Variants in MIA2 observed in about 807,000 individuals in gnomAD.
The protein encoded by MIA2 is MIA SH3 domain ER export factor 2.
Under a neutral mutation model 167.8 loss-of-function variants are expected in MIA2, and 127 were observed. The observed-to-expected ratio is 0.76, with a 90% confidence interval of 0.66 to 0.88. The LOEUF is 0.88. Ranked by LOEUF, MIA2 falls within the 40% of genes least tolerant of loss-of-function variation. MIA2 has a pLI of 0.00. For missense variants in MIA2, 1,690 were observed against 1,624.7 expected (o/e 1.04, Z -0.69); for synonymous variants, 552 against 541.9 (o/e 1.02, Z -0.26).
At chr14:39,299,426 A>G (rs145831397) in intron 13 of MIA2, among the ~76,000 whole-genome samples, 4,701 of 148,302 alleles carry the variant, frequency 0.032, 260 homozygotes, top group African/African-American at 0.11. Context: ...TCCTGCCTCA[A>G]CTTCCTGAGT....
chr14:39,237,900 C>T (rs150872257), intron 2 of MIA2, among the ~76,000 whole-genome samples: 21 of 151,418 alleles, frequency 1.4e-4, no homozygotes, highest in South Asian at 4.2e-4. Flanking sequence ...CCACCATGCC[C>T]GGCTGCTTTT....
intron 23 of MIA2, among the ~76,000 whole-genome samples, chr14:39,361,807 A>G (rs890422188): frequency 2.6e-5 from 4 of 152,126 alleles, no homozygotes; most frequent in Admixed American, 6.5e-5. Flanking sequence ...AAGGTTTACA[A>G]TTTCATTTTG....
rs748484013 is a variant in MIA2 at position 39,345,925 on chromosome 14, C to G, written c.3677C>G (p.Ala1226Gly). 1.2e-6 allele frequency: 2 copies of G among 1,610,898 alleles called. No individual in the cohort carries two copies. Among genetic ancestry groups the G allele is most frequent in the South Asian group, 1.1e-5 (1 of 90,882 alleles). Residue 1226 changes from alanine to glycine, a missense_variant, in exon 26 of 29, where the codon GCC becomes GGC. Coordinates refer to ENST00000640607, the MANE Select transcript of MIA2 (RefSeq NM_001329214.4). The stretch of plus-strand genomic sequence containing the variant: ...CTAGGACAATCATATCCTGATTCAG[C>G]CCTTCCTCCACAAAGGCAAGACAGA... The part of the protein sequence containing the change: ...PPPGQSYPDS[A>G]LPPQRQDRFC...
At position 39,350,520 on chromosome 14, in the gene MIA2, A is replaced by C. The variant is rs1052503441; in HGVS notation, c.*256A>C. The C allele has an allele frequency of 9.0e-6, 3 of 334,086 alleles. No individual in the cohort carries two copies. The highest frequency in any genetic ancestry group is 4.8e-5 in the Admixed American group (1 of 20,884). The allele number at this position is 334,086 out of a possible 1,614,324, so 20.7% of individuals were successfully genotyped here. A position where few individuals can be genotyped will look rare whatever the true frequency, so the allele number is the denominator to read the frequency against. On this transcript the variant is annotated 3_prime_UTR_variant, in exon 29 of 29. Transcript: ENST00000640607. ...ATAAACAATAGTGGGAGTTTTATAT[A>C]TGTAATCTTTCAGGTGGGGAGGCTT...
chr14:39,271,315 CTG>C (rs1316957608), intron 6 of MIA2, among the ~76,000 whole-genome samples: 1 of 152,118 alleles, frequency 6.6e-6, no homozygotes, highest in Non-Finnish European at 1.5e-5. Flanking sequence ...TTTCATTGGT[CTG>C]TGTCTGTCCC....
intron 9 of MIA2, among the ~76,000 whole-genome samples, chr14:39,286,375 A>C (rs1226769161): frequency 1.3e-5 from 2 of 151,922 alleles, no homozygotes; most frequent in Non-Finnish European, 2.9e-5. Flanking sequence ...GGGAGGTTGC[A>C]GTGAGCGGAG....
chr14:39,300,376 T>C (rs1292558733), intron 14 of MIA2, among the ~76,000 whole-genome samples: 3 of 152,168 alleles, frequency 2.0e-5, no homozygotes, highest in Non-Finnish European at 4.4e-5. Flanking sequence ...GTATGTACTT[T>C]GATGGAGAGG....
At chr14:39,369,870 T>C (rs2074899912) in intron 23 of MIA2, among the ~76,000 whole-genome samples, 1 of 152,206 alleles carries the variant, frequency 6.6e-6, no homozygotes, top group Admixed American at 6.5e-5. Flanking sequence ...GCAGTTGTTT[T>C]AAAAAACAAC....
chr14:39,361,457 A>G (rs1314403489), intron 23 of MIA2, among the ~76,000 whole-genome samples: 4 of 137,950 alleles, frequency 2.9e-5, no homozygotes, highest in Admixed American at 7.4e-5. Context: ...TTTTTTCCTG[A>G]GACAGAGTTT....
At chr14:39,285,314 C>A (rs1309175638) in intron 9 of MIA2, among the ~76,000 whole-genome samples, 6 of 151,966 alleles carry the variant, frequency 3.9e-5, no homozygotes, top group African/African-American at 1.4e-4. Flanking sequence ...TCCTCACTTC[C>A]CAGAAGGGGC....
At chr14:39,253,326 G>A (rs968060352) in intron 6 of MIA2, 155 bp downstream of exon 6, 1 of 993,962 alleles carries the variant, frequency 1.0e-6, no homozygotes, top group Non-Finnish European at 1.5e-6. Flanking sequence ...CTCTTTATAT[G>A]AATGTTTTGT....
rs771046435 is a variant in MIA2 at position 39,247,671 on chromosome 14, T to A, written c.1097T>A (p.Ile366Asn). Residue 366 changes from isoleucine (I) to asparagine (N), a missense_variant, in exon 4 of 29, where the codon ATC (isoleucine) becomes AAC (asparagine). By Grantham distance (149) the Ile-to-Asn change is moderately radical (BLOSUM62 -3). Coordinates refer to ENST00000640607, the MANE Select transcript of MIA2 (RefSeq NM_001329214.4). The part of the protein sequence containing the change: ...TEILTEKKDT[I>N]TNDSLSLKPS... ...ATATTAACAGAAAAAAAAGACACAA[T>A]CACTAATGATAGCTTGAGTCTCAAG... The A allele has an allele frequency of 6.2e-7, 1 of 1,611,020 alleles. No individual in the cohort carries two copies. Among genetic ancestry groups the A allele is most frequent in the Non-Finnish European group, 8.5e-7 (1 of 1,179,252 alleles).
intron 6 of MIA2, among the ~76,000 whole-genome samples, chr14:39,261,740 GTGA>G (rs1213430628): frequency 1.3e-5 from 2 of 152,168 alleles, no homozygotes; most frequent in Admixed American, 6.6e-5. Flanking sequence ...CTGATGGCCA[GTGA>G]TGATGAGCAT....
chr14:39,318,133 A>G (rs1045192677), intron 22 of MIA2, 122 bp downstream of exon 22: 29 of 674,570 alleles, frequency 4.3e-5, no homozygotes, highest in Non-Finnish European at 5.6e-5. Flanking sequence ...TGAGATATCT[A>G]TTAGTTTTAC....
At chr14:39,266,401 C>G in intron 6 of MIA2, 11 of 985,426 alleles carry the variant, frequency 1.1e-5, no homozygotes, top group Non-Finnish European at 1.3e-5. Flanking sequence ...TTTAGCTCCT[C>G]TTCTCGGAGG....
intron 25 of MIA2, among the ~76,000 whole-genome samples, chr14:39,344,925 A>G (rs2072889085): frequency 6.6e-6 from 1 of 152,152 alleles, no homozygotes; most frequent in Non-Finnish European, 1.5e-5. Context: ...GTCATCATAA[A>G]TCACCCCTGG....
chr14:39,377,221 A>G (rs1204968748), intron 23 of MIA2, among the ~76,000 whole-genome samples: 3 of 151,444 alleles, frequency 2.0e-5, no homozygotes, highest in Non-Finnish European at 4.4e-5. Flanking sequence ...TACAAAGAGA[A>G]CATAGGGGGA....
chr14:39,336,479 ACT>A (rs2070440933), intron 25 of MIA2, among the ~76,000 whole-genome samples: 1 of 152,016 alleles, frequency 6.6e-6, no homozygotes, highest in African/African-American at 2.4e-5. Flanking sequence ...TTCTTTTAAA[ACT>A]CTGTGGTTAT....
In MIA2 at chr14:39,326,949, T is replaced by C. The variant is rs61741080; in HGVS notation, c.3582T>C (p.His1194=). The change falls in exon 25 of 29, where the codon CAT becomes CAC. Residue 1194 remains histidine (H), a synonymous_variant. Coordinates refer to ENST00000640607, the MANE Select transcript of MIA2 (RefSeq NM_001329214.4). The part of the protein sequence containing the change: ...ESSCDRLTDP[H]RAPSDTGSLS... ...GCTGTGATAGGTTAACCGATCCTCA[T>C]AGGGCTCCCTCTGACACTGGGTCTC... The C allele has an allele frequency of 7.0e-4, 1,115 of 1,593,362 alleles. 5 individuals carry two copies. The African/African-American group carries it at 0.013, about 18-fold the overall frequency.
Sources: gnomAD v4.1 joint callset for allele counts (sites outside exome capture counted in the v4.1 genomes callset) on GRCh38, gnomAD v4.1.1 for gene constraint, MANE v1.5 for transcripts, NCBI Gene and HGNC (gene_info 2026-07-23, HGNC 2026-07-21) for gene names.